CORO7: variants seen among roughly 807,000 people sequenced by gnomAD.
CORO7 encodes the protein coronin-7.
A neutral mutation model predicts 126.6 loss-of-function variants in CORO7; 107 were observed. That is an observed-to-expected ratio of 0.85 (90% CI 0.72 to 0.99). CORO7 has a LOEUF of 0.99. CORO7 is among the 50% of genes least tolerant of loss of function. CORO7 has a pLI of 0.00. For missense variants in CORO7, 1,314 were observed against 1,255.8 expected (o/e 1.05, Z -0.70); for synonymous variants, 603 against 536.8 (o/e 1.12, Z -1.70).
intron 16 of CORO7, 180 bp downstream of exon 16, chr16:4,361,805 T>C: frequency 9.7e-7 from 1 of 1,025,820 alleles, no homozygotes; most frequent in Non-Finnish European, 1.5e-6. Context: ...CTCCCTCATC[T>C]GTAAAATGGG....
At chr16:4,395,484 T>G (rs1428577006) in intron 6 of CORO7, 145 bp from the exon 7 acceptor site, 4 of 1,022,244 alleles carry the variant, frequency 3.9e-6, no homozygotes, top group East Asian at 2.6e-5. Flanking sequence ...AGGGCATCCC[T>G]CCTCAGCCCT....
At chr16:4,373,612 C>T (rs537877904) in intron 9 of CORO7, among the ~76,000 whole-genome samples, 5 of 152,170 alleles carry the variant, frequency 3.3e-5, no homozygotes, top group African/African-American at 4.8e-5. Flanking sequence ...GGAGATGCCC[C>T]GGGCAGGAGA....
intron 9 of CORO7, among the ~76,000 whole-genome samples, chr16:4,374,086 C>CGT (rs112578905): frequency 0.075 from 11,123 of 148,680 alleles, 625 homozygotes; most frequent in African/African-American, 0.16. Context: ...GGAGGGTGCA[C>CGT]GTGTGTGTGT....
intron 7 of CORO7, among the ~76,000 whole-genome samples, chr16:4,395,034 C>A (rs1160282542): frequency 6.6e-6 from 1 of 152,208 alleles, no homozygotes; most frequent in Admixed American, 6.5e-5. Context: ...TGAAGCCACA[C>A]GATGGCCTCC....
intron 27 of CORO7, 37 bp from the exon 28 acceptor site, chr16:4,355,200 AG>A: frequency 1.3e-6 from 2 of 1,574,262 alleles, no homozygotes; most frequent in East Asian, 2.3e-5. Flanking sequence ...GGGAGTCAGG[AG>A]GGCCTGGGAA....
intron 2 of CORO7, chr16:4,412,982 C>T (rs1029230501): frequency 3.3e-6 from 1 of 304,726 alleles, no homozygotes; most frequent in Admixed American, 4.7e-5. Context: ...TCCTACTGTC[C>T]CCAGCCATCC....
At position 4,412,345 on chromosome 16, in the gene CORO7, C is replaced by A; in HGVS notation, c.232+11G>T. 1 of 1,614,022 alleles carries A rather than the reference C, an allele frequency of 6.2e-7. No individual in the cohort carries two copies. ...TTTCAGGCTTCACCCACTAGTCAGACACCCACTCACCTGAATGGCAGCCCA... is the reference window on the plus strand; with the variant it reads ...TTTCAGGCTTCACCCACTAGTCAGAAACCCACTCACCTGAATGGCAGCCCA... On this transcript the variant is annotated intron_variant, in intron 3 of 27. Transcript: ENST00000251166.
chr16:4,411,636 TA>T (rs1458402849), intron 3 of CORO7, among the ~76,000 whole-genome samples: 4 of 152,054 alleles, frequency 2.6e-5, no homozygotes, highest in African/African-American at 9.7e-5. Flanking sequence ...CTATTGTTAT[TA>T]ACCACCATCA....
intron 1 of CORO7, chr16:4,416,051 C>A (rs2056399010): frequency 1.1e-5 from 3 of 279,274 alleles, no homozygotes; most frequent in Middle Eastern, 1.4e-3. Flanking sequence ...CAGCCAGGGG[C>A]AGGGGCGACC....
intron 1 of CORO7, chr16:4,415,626 A>C: frequency 1.3e-6 from 1 of 798,282 alleles, no homozygotes. Flanking sequence ...ACCTCTACCC[A>C]GACTGCCCTG....
At position 4,380,369 on chromosome 16, in the gene CORO7, G is replaced by A. The variant is rs529872614; in HGVS notation, c.785+7617C>T. Reference sequence around the variant, plus strand: ...CATAGTTTCCATGTGAAGTCTTCCCGCTGCATTCCCTCCTCCAAGGAGGGC... The same window carrying A: ...CATAGTTTCCATGTGAAGTCTTCCCACTGCATTCCCTCCTCCAAGGAGGGC... On this transcript the variant is annotated intron_variant, in intron 9 of 27. Transcript: ENST00000251166. Among the ~76,000 whole-genome samples the A allele has an allele frequency of 5.9e-5, 9 of 152,344 alleles. No homozygotes were observed. In the South Asian group the frequency reaches 1.0e-3, roughly 18 times the overall value.
intron 2 of CORO7, chr16:4,413,084 T>C (rs1368048163): frequency 1.3e-5 from 6 of 465,388 alleles, no homozygotes; most frequent in African/African-American, 1.2e-4. Flanking sequence ...TGCTCTTGCC[T>C]GTGGTTTGTA....
In CORO7 at chr16:4,360,451, G is replaced by A; in HGVS notation, c.2015C>T (p.Pro672Leu). ...CAGCCCCTGTGTGCTCACCTGCAGG[G>A]GCTCAGGGCCACTCCGGGGCCTGTA... ...RVYRPRSGPE[P>L]LQEGPGPKGG... is the part of the protein sequence containing the mutation. Residue 672 changes from proline to leucine, a missense_variant, in exon 20 of 28, where the codon CCC becomes CTC. By Grantham distance (98) the Pro-to-Leu change is moderately conservative (BLOSUM62 -3). Transcript: ENST00000251166. 1 of 1,612,708 alleles carries A rather than the reference G, an allele frequency of 6.2e-7. No individual in the cohort carries two copies. Among genetic ancestry groups the A allele is most frequent in the Non-Finnish European group, 8.5e-7 (1 of 1,179,796 alleles).
intron 6 of CORO7, among the ~76,000 whole-genome samples, chr16:4,396,268 C>T (rs569582858): frequency 1.2e-4 from 19 of 152,192 alleles, no homozygotes; most frequent in Middle Eastern, 6.8e-3. Flanking sequence ...TTGGTAGAGA[C>T]GGGGTTTCAC....
At chr16:4,408,138 C>T (rs369957136) in intron 4 of CORO7, 43 bp downstream of exon 4, 43 of 1,613,416 alleles carry the variant, frequency 2.7e-5, no homozygotes, top group East Asian at 1.8e-4. Flanking sequence ...CCCTGGACTA[C>T]GGGCTGGGAC....
intron 1 of CORO7, chr16:4,414,450 G>C (rs573067075): frequency 6.6e-6 from 1 of 152,176 alleles, no homozygotes; most frequent in African/African-American, 2.4e-5. Flanking sequence ...TCCTGCCCTC[G>C]ATGACAGGAC....
At chr16:4,386,285 G>A (rs543555322) in intron 9 of CORO7, among the ~76,000 whole-genome samples, 18 of 152,322 alleles carry the variant, frequency 1.2e-4, no homozygotes, top group Middle Eastern at 3.4e-3. Context: ...CAGTGGCACC[G>A]TGAGGTCTGG....
At chr16:4,390,744 C>A (rs917306) in intron 7 of CORO7, among the ~76,000 whole-genome samples, 1 of 152,102 alleles carries the variant, frequency 6.6e-6, no homozygotes, top group African/African-American at 2.4e-5. Flanking sequence ...CACAGAGAGA[C>A]GAAGCCATGG....
chr16:4,381,333 G>A, intron 9 of CORO7: 1 of 1,609,650 alleles, frequency 6.2e-7, no homozygotes, highest in Non-Finnish European at 8.5e-7. Flanking sequence ...GCCTCCTGGA[G>A]CTCAAGCTGC....
Sources: allele counts gnomAD v4.1 joint callset (sites outside exome capture counted in the v4.1 genomes callset), GRCh38; gene constraint gnomAD v4.1.1; transcripts MANE v1.5; gene names NCBI Gene and HGNC (gene_info 2026-07-23, HGNC 2026-07-21).